EGFLAM: variants seen among roughly 807,000 people sequenced by gnomAD.
EGFLAM encodes EGF like, fibronectin type III and laminin G domains.
In EGFLAM, 79 loss-of-function variants were observed where a neutral mutation model predicts 113.1. The ratio of observed to expected loss-of-function variants is 0.70; its 90% CI spans 0.58 to 0.84. The LOEUF (loss-of-function observed/expected upper bound fraction) is 0.84, where lower values mean the gene tolerates loss of function less well. Ranked by LOEUF, EGFLAM falls within the 40% of genes least tolerant of loss-of-function variation. The pLI is 0.00. For synonymous variants in EGFLAM, 504 were observed against 487.6 expected (o/e 1.03, Z -0.44); for missense variants, 1,265 against 1,291.6 (o/e 0.98, Z 0.32).
At position 38,296,364 on chromosome 5, in the gene EGFLAM, T is replaced by C. The variant is rs1479298781; in HGVS notation, c.97+37513T>C. ...TTACTGAATATGCAGCCCCGTAAGT[T>C]GAATAGTCTGGATTCTCACAGAAGC... is the stretch of plus-strand genomic sequence containing the variant. On this transcript the variant is annotated intron_variant, in intron 1 of 21. Coordinates refer to ENST00000322350, the MANE Select transcript of EGFLAM (RefSeq NM_152403.4). Among the ~76,000 whole-genome samples the C allele has an allele frequency of 2.6e-5, 4 of 152,244 alleles. No individual in the cohort carries two copies. The East Asian group carries it at 7.7e-4, about 29-fold the overall frequency.
chr5:38,411,735 G>A (rs540532480), intron 10 of EGFLAM, among the ~76,000 whole-genome samples: 11 of 151,674 alleles, frequency 7.3e-5, no homozygotes, highest in Admixed American at 4.6e-4. Flanking sequence ...CACCTGCCTC[G>A]GCCTCCCAAA....
chr5:38,312,749 C>A (rs1250974301), intron 1 of EGFLAM, among the ~76,000 whole-genome samples: 1 of 152,128 alleles, frequency 6.6e-6, no homozygotes, highest in Non-Finnish European at 1.5e-5. Flanking sequence ...TATGAAGATG[C>A]TTATTTTTCT....
Position 38,412,654 on chromosome 5 carries a change from T to C in EGFLAM, c.1494+6T>C. ...CAGTGACAGGCCAGTCTCAGGTATG[T>C]ATGAGCCCCACACCCTGCCCACCCC... On this transcript the variant is annotated splice_donor_region_variant and intron_variant, in intron 11 of 21. Transcript: ENST00000322350. 6.2e-7 allele frequency: 1 copy of C among 1,613,220 alleles called. No individual in the cohort carries two copies. Among genetic ancestry groups the C allele is most frequent in the Non-Finnish European group, 8.5e-7 (1 of 1,179,874 alleles).
At chr5:38,430,498 T>C (rs892941463) in intron 14 of EGFLAM, among the ~76,000 whole-genome samples, 3 of 152,216 alleles carry the variant, frequency 2.0e-5, no homozygotes, top group Non-Finnish European at 4.4e-5. Flanking sequence ...ATTAGTGTTT[T>C]CTTTTTACTG....
intron 1 of EGFLAM, among the ~76,000 whole-genome samples, chr5:38,296,096 T>C (rs1262368108): frequency 6.6e-6 from 1 of 151,834 alleles, no homozygotes; most frequent in Non-Finnish European, 1.5e-5. Flanking sequence ...CATGGGGATT[T>C]GGGGTGGGGG....
chr5:38,448,340 GCA>G lies in EGFLAM; in HGVS notation c.2505_2506del (p.Ser836LeufsTer5). On this transcript the variant is annotated frameshift_variant, in exon 18 of 22. Coordinates refer to ENST00000322350, the MANE Select transcript of EGFLAM (RefSeq NM_152403.4). LOFTEE classifies it high-confidence loss of function. ...ATTGAGATCCCGCAGTTTATCGGCC[GCA>G]GTTACCTGACGTATGACAACCCAGA... The G allele has an allele frequency of 6.2e-7, 1 of 1,614,118 alleles. No individual in the cohort carries two copies. The highest frequency in any genetic ancestry group is 1.1e-5 in the South Asian group (1 of 91,080).
At chr5:38,364,409 A>G (rs1019706130) in intron 5 of EGFLAM, among the ~76,000 whole-genome samples, 9 of 152,144 alleles carry the variant, frequency 5.9e-5, no homozygotes, top group African/African-American at 2.2e-4. Context: ...GGGAGGGAGG[A>G]AGCAACATGA....
intron 19 of EGFLAM, among the ~76,000 whole-genome samples, chr5:38,457,490 A>C (rs1270001468): frequency 6.6e-6 from 1 of 152,072 alleles, no homozygotes; most frequent in South Asian, 2.1e-4. Context: ...CCCTGCCTCC[A>C]GTTTCCCATG....
chr5:38,358,862 G>C (rs1398551240), intron 5 of EGFLAM, among the ~76,000 whole-genome samples: 6 of 152,168 alleles, frequency 3.9e-5, no homozygotes, highest in Non-Finnish European at 8.8e-5. Context: ...AAGCCTTCAG[G>C]CTGTAACATA....
intron 1 of EGFLAM, among the ~76,000 whole-genome samples, chr5:38,307,244 T>G (rs947329712): frequency 2.0e-5 from 3 of 152,148 alleles, no homozygotes; most frequent in African/African-American, 7.2e-5. Context: ...CTGTTGCACC[T>G]GGTATCTTGA....
intron 5 of EGFLAM, among the ~76,000 whole-genome samples, chr5:38,363,390 T>G (rs1481078624): frequency 6.6e-6 from 1 of 152,136 alleles, no homozygotes; most frequent in Non-Finnish European, 1.5e-5. Flanking sequence ...GTCCCTGGAC[T>G]TGGATTGGAA....
Position 38,344,603 on chromosome 5 carries a change from C to G in EGFLAM, c.291+5822C>G, listed in dbSNP as rs1385710701. On this transcript the variant is annotated intron_variant, in intron 3 of 21. Transcript: ENST00000322350. ...AGATATAAGTCTAACAGGCCAGAAA[C>G]TCAAATTAACAGTGTTTCTAATGAG... 2.6e-5 allele frequency among the ~76,000 whole-genome samples: 4 copies of G among 152,024 alleles called. No homozygotes were observed. In the East Asian group the frequency reaches 7.7e-4, roughly 29 times the overall value.
Position 38,427,208 on chromosome 5 carries a change from C to T in EGFLAM, c.2010C>T (p.His670=), listed in dbSNP as rs199798525. 3.2e-5 allele frequency: 51 copies of T among 1,614,128 alleles called. No homozygotes were observed. The highest frequency in any genetic ancestry group is 8.3e-5 in the Admixed American group (5 of 60,016). The change falls in exon 14 of 22, where the codon CAC becomes CAT. Residue 670 remains histidine (H), a synonymous_variant. Transcript: ENST00000322350. The stretch of plus-strand genomic sequence containing the variant: ...TGTCCATCAACTTGGCAGGGGGCCA[C>T]GTGGAGTTCCGCTTTGACTGTGGCT... ...DFLSINLAGG[H]VEFRFDCGSG...
chr5:38,266,006 TGAC>T (rs1372385917), intron 1 of EGFLAM, among the ~76,000 whole-genome samples: 1 of 152,250 alleles, frequency 6.6e-6, no homozygotes, highest in African/African-American at 2.4e-5. Context: ...CTGTGACTGC[TGAC>T]GACAACATGT....
chr5:38,416,775 T>C (rs1457925569), intron 11 of EGFLAM, among the ~76,000 whole-genome samples: 1 of 152,186 alleles, frequency 6.6e-6, no homozygotes, highest in Non-Finnish European at 1.5e-5. Flanking sequence ...ACTCATCTAA[T>C]GAAAGCAGCA....
chr5:38,455,735 T>C (rs1743065816), intron 19 of EGFLAM, among the ~76,000 whole-genome samples: 1 of 152,170 alleles, frequency 6.6e-6, no homozygotes, highest in Non-Finnish European at 1.5e-5. Context: ...CAGTGATGGC[T>C]GGATTCCTGT....
chr5:38,259,149 C>G (rs948547246), intron 1 of EGFLAM, among the ~76,000 whole-genome samples: 3 of 152,238 alleles, frequency 2.0e-5, no homozygotes, highest in Non-Finnish European at 4.4e-5. Context: ...ATCGTGCTGT[C>G]TCAATTACAG....
At chr5:38,420,788 C>A (rs1263297177) in intron 12 of EGFLAM, among the ~76,000 whole-genome samples, 1 of 152,144 alleles carries the variant, frequency 6.6e-6, no homozygotes, top group Non-Finnish European at 1.5e-5. Context: ...CTGATTTCTG[C>A]CAGCTTTGTT....
At position 38,458,386 on chromosome 5, in the gene EGFLAM, G is replaced by A; in HGVS notation, c.2763G>A (p.Lys921=). The A allele has an allele frequency of 6.2e-7, 1 of 1,614,008 alleles. No individual in the cohort carries two copies. ...SFNDGRWHRV[K]AVRDGQSGKI... ...ACGATGGTCGGTGGCACCGAGTTAA[G>A]GCCGTTAGGTGAGTCCCTCCCGCAG... Residue 921 remains lysine, a synonymous_variant, in exon 20 of 22, where the codon AAG becomes AAA. Coordinates refer to ENST00000322350, the MANE Select transcript of EGFLAM (RefSeq NM_152403.4).
Sources: allele counts gnomAD v4.1 joint callset (sites outside exome capture counted in the v4.1 genomes callset), GRCh38; gene constraint gnomAD v4.1.1; transcripts MANE v1.5; gene names NCBI Gene and HGNC (gene_info 2026-07-23, HGNC 2026-07-21).